Variants in ZNF536 observed in about 807,000 individuals in gnomAD.
ZNF536 encodes zinc finger protein 536.
In ZNF536, 13 loss-of-function variants were observed where a neutral mutation model predicts 84.5. The observed-to-expected ratio is 0.15, with a 90% CI of 0.10 to 0.24. ZNF536 has a LOEUF of 0.24. Among genes scored for constraint, ZNF536 ranks in the 10% least tolerant of loss-of-function variants. ZNF536 has a pLI of 1.00. For synonymous variants in ZNF536, 811 were observed against 742.5 expected (o/e 1.09, Z -1.50); for missense variants, 1,536 against 1,747.5 (o/e 0.88, Z 2.16).
chr19:30,588,560 G>A (rs2047174082), intron 1 of ZNF536, among the ~76,000 whole-genome samples: 1 of 152,106 alleles, frequency 6.6e-6, no homozygotes, highest in South Asian at 2.1e-4. Flanking sequence ...ATGCATTCCT[G>A]TTTCCATTTT....
chr19:30,410,858 G>T (rs2050466068), intron 1 of ZNF536, among the ~76,000 whole-genome samples: 1 of 152,148 alleles, frequency 6.6e-6, no homozygotes, highest in South Asian at 2.1e-4. Context: ...TCATGGATTG[G>T]CATTATCTCT....
intron 2 of ZNF536, among the ~76,000 whole-genome samples, chr19:30,319,841 G>C (rs1412979789): frequency 1.3e-5 from 2 of 151,916 alleles, no homozygotes; most frequent in Non-Finnish European, 2.9e-5. Flanking sequence ...GCTATTTCAG[G>C]GTTTAAAAGT....
intron 2 of ZNF536, 51 bp from the exon 3 acceptor site, chr19:30,534,796 A>C: frequency 6.5e-7 from 1 of 1,532,606 alleles, no homozygotes; most frequent in East Asian, 2.3e-5. Flanking sequence ...TGGTGCGAAC[A>C]ACTCCTGACA....
At chr19:30,465,600 C>G (rs1054361034) in intron 2 of ZNF536, among the ~76,000 whole-genome samples, 1 of 152,090 alleles carries the variant, frequency 6.6e-6, no homozygotes, top group African/African-American at 2.4e-5. Context: ...TGGTAAAATA[C>G]ACGTAACAGG....
intron 1 of ZNF536, among the ~76,000 whole-genome samples, chr19:30,680,423 C>A (rs2050922997): frequency 8.5e-6 from 1 of 118,236 alleles, no homozygotes; most frequent in African/African-American, 3.3e-5. Flanking sequence ...CCACAACAGT[C>A]CCCAGAATGT....
chr19:30,303,722 C>G (rs1037317166), intron 2 of ZNF536, among the ~76,000 whole-genome samples: 7 of 152,166 alleles, frequency 4.6e-5, no homozygotes, highest in Non-Finnish European at 8.8e-5. Context: ...GGGCTGGTCT[C>G]TAAGTCCTGA....
At chr19:30,551,000 T>TA (rs747300927) in intron 4 of ZNF536, among the ~76,000 whole-genome samples, 57 of 152,206 alleles carry the variant, frequency 3.7e-4, no homozygotes, top group Admixed American at 9.1e-4. Flanking sequence ...AAAAGCGTTT[T>TA]ATGTTAGTCC....
chr19:30,312,931 C>T (rs1333919267), intron 2 of ZNF536, among the ~76,000 whole-genome samples: 1 of 152,250 alleles, frequency 6.6e-6, no homozygotes, highest in East Asian at 1.9e-4. Flanking sequence ...TGCTCTGGCC[C>T]TTTGCAGGGC....
chr19:30,326,791 C>T (rs1420796499), intron 2 of ZNF536, among the ~76,000 whole-genome samples: 311 of 51,746 alleles, frequency 6.0e-3, no homozygotes, highest in Middle Eastern at 0.021. Context: ...TTATAAAAAG[C>T]TTTTTTTTTT....
intron 1 of ZNF536, among the ~76,000 whole-genome samples, chr19:30,570,248 T>A (rs2046497109): frequency 6.6e-6 from 1 of 152,088 alleles, no homozygotes; most frequent in African/African-American, 2.4e-5. Context: ...CTGGACACCC[T>A]CCCTCCACAT....
At chr19:30,431,760 C>A (rs900642479) in intron 1 of ZNF536, among the ~76,000 whole-genome samples, 2 of 152,246 alleles carry the variant, frequency 1.3e-5, no homozygotes, top group Admixed American at 6.5e-5. Flanking sequence ...AGGGGTCCTG[C>A]GGAGGCCAGG....
At chr19:30,305,948 G>A (rs7250562) in intron 2 of ZNF536, among the ~76,000 whole-genome samples, 1,896 of 152,312 alleles carry the variant, frequency 0.012, 44 homozygotes, top group South Asian at 0.071. Flanking sequence ...TTAGTGATTT[G>A]ATCTGACAGA....
In ZNF536 at chr19:30,445,797, C is replaced by A. The variant is rs2148239989; in HGVS notation, c.2170+65C>A. On this transcript the variant is annotated intron_variant, in intron 2 of 4. Transcript: ENST00000355537. The surrounding 1 kb of genome is among the most constrained non-coding windows in gnomAD (Gnocchi z 4.5). ...CAGCCCTGCTCAGGGCTGCCTGGTT[C>A]TGCTCCCAGGCCTCCAGTCAGTTCC... is the stretch of plus-strand genomic sequence containing the variant. 1 of 1,504,466 alleles carries A rather than the reference C, an allele frequency of 6.6e-7. No individual in the cohort carries two copies. Among genetic ancestry groups the A allele is most frequent in the Admixed American group, 2.3e-5 (1 of 43,116 alleles). 93.2% of individuals were successfully genotyped at this position (1,504,466 alleles called of 1,614,324 possible). A position where few individuals can be genotyped will look rare whatever the true frequency, so the allele number is the denominator to read the frequency against.
At chr19:30,486,245 C>A (rs2144989472) in intron 2 of ZNF536, among the ~76,000 whole-genome samples, 1 of 152,310 alleles carries the variant, frequency 6.6e-6, no homozygotes, top group East Asian at 1.9e-4. Flanking sequence ...TTCTGATGCT[C>A]TCCCTCCCAA....
chr19:30,349,440 A>G (rs1301251610), intron 2 of ZNF536, among the ~76,000 whole-genome samples: 1 of 152,188 alleles, frequency 6.6e-6, no homozygotes, highest in Non-Finnish European at 1.5e-5. Flanking sequence ...TCCAAGGTAC[A>G]GTCCTTCCCC....
intron 1 of ZNF536, among the ~76,000 whole-genome samples, chr19:30,637,851 T>C (rs1477297577): frequency 1.3e-5 from 2 of 152,234 alleles, no homozygotes; most frequent in African/African-American, 4.8e-5. Context: ...TGTCTTTTTT[T>C]TATAGCAAGG....
chr19:30,554,309 A>AGTGCAGT (rs920604686), intron 4 of ZNF536: 3 of 120,066 alleles, frequency 2.5e-5, no homozygotes, highest in African/African-American at 1.0e-4. Flanking sequence ...CCTGGGCTGG[A>AGTGCAGT]GTGCAGTGTG....
At chr19:30,353,533 C>A (rs572921769) in intron 3 of ZNF536, among the ~76,000 whole-genome samples, 16 of 151,972 alleles carry the variant, frequency 1.1e-4, no homozygotes, top group South Asian at 4.2e-4. Context: ...GCAGCCCCCC[C>A]CTGGCACCGG....
At chr19:30,472,334 C>G (rs1201444571) in intron 2 of ZNF536, among the ~76,000 whole-genome samples, 2 of 152,120 alleles carry the variant, frequency 1.3e-5, no homozygotes, top group African/African-American at 2.4e-5. Context: ...GGCGGCAGGT[C>G]GGATCTGTGT....
Sources: gnomAD v4.1 joint callset for allele counts (sites outside exome capture counted in the v4.1 genomes callset) on GRCh38, gnomAD v4.1.1 for gene constraint, Gnocchi (gnomAD v3.1) non-coding constraint, MANE v1.5 for transcripts, NCBI Gene and HGNC (gene_info 2026-07-23, HGNC 2026-07-21) for gene names.